Variants in UPF3A observed in about 807,000 individuals in gnomAD.
UPF3A encodes the protein UPF3A regulator of nonsense mediated mRNA decay.
In UPF3A, 42 loss-of-function variants were observed where a neutral mutation model predicts 53.5. The observed-to-expected ratio is 0.78, with a 90% CI of 0.61 to 1.01. UPF3A has a LOEUF of 1.01. Ranked by LOEUF, UPF3A falls within the 50% of genes least tolerant of loss-of-function variation. The pLI is 0.00. For missense variants in UPF3A, 575 were observed against 598.0 expected, an observed-to-expected ratio of 0.96 and a Z score of 0.40; for synonymous variants, 237 against 225.3, an observed-to-expected ratio of 1.05 and a Z score of -0.47.
chr13:114,298,097 C>A (rs1299150475), intron 7 of UPF3A, among the ~76,000 whole-genome samples: 20 of 152,162 alleles, frequency 1.3e-4, no homozygotes, highest in Admixed American at 1.3e-3. Context: ...GGGGGCTGGG[C>A]ACGGTGGCTC....
intron 7 of UPF3A, among the ~76,000 whole-genome samples, chr13:114,296,687 C>A (rs71449095): frequency 6.6e-6 from 1 of 152,130 alleles, no homozygotes. Flanking sequence ...TTGGAACTGT[C>A]GTCTGAAAGG....
intron 8 of UPF3A, among the ~76,000 whole-genome samples, chr13:114,301,393 G>A (rs560648652): frequency 6.6e-6 from 1 of 151,894 alleles, no homozygotes; most frequent in South Asian, 2.1e-4. Context: ...AACCCAGGAG[G>A]CGGAGCTTTC....
At chr13:114,285,455 G>A (rs1389762241) in intron 3 of UPF3A, 1 of 152,186 alleles carries the variant, frequency 6.6e-6, no homozygotes, top group East Asian at 1.9e-4. Context: ...CCGTCCCCCT[G>A]AGTCTTGACT....
rs1164617444 is a variant in UPF3A, at chr13:114,293,071, CAAAAAAA to C, written c.846+1297_846+1303del. The stretch of plus-strand genomic sequence containing the variant: ...TGGGCGACAGAGCAAGACTCCCTCT[CAAAAAAA>C]AAAAAAAAAAAAAAAAATTTCCTGG... On this transcript the variant is annotated intron_variant, in intron 7 of 9. Coordinates refer to ENST00000375299, the MANE Select transcript of UPF3A (RefSeq NM_023011.4). 4.2e-4 allele frequency among the ~76,000 whole-genome samples: 21 copies of C among 49,610 alleles called. 1 individual carries two copies. The highest frequency in any genetic ancestry group is 8.0e-4 in the Admixed American group (3 of 3,762). The allele number at this position is 49,610 out of a possible 152,430, so 32.5% of individuals were successfully genotyped here.
chr13:114,291,556 C>T lies in UPF3A; in HGVS notation c.687+12C>T. The stretch of plus-strand genomic sequence containing the variant: ...AATTAGAAAAGCAGGTAGGTCTGGC[C>T]TTTACCTGATGAACACCCTCCCTGC... On this transcript the variant is annotated intron_variant, in intron 6 of 9. Coordinates refer to ENST00000375299, the MANE Select transcript of UPF3A (RefSeq NM_023011.4). 2 of 1,608,782 alleles carry T rather than the reference C, an allele frequency of 1.2e-6. No individual in the cohort carries two copies. Among genetic ancestry groups the T allele is most frequent in the Non-Finnish European group, 1.7e-6 (2 of 1,178,770 alleles).
chr13:114,287,304 C>A (rs1290744452), intron 5 of UPF3A: 1 of 152,490 alleles, frequency 6.6e-6, no homozygotes, highest in Non-Finnish European at 1.5e-5. Context: ...TCTCATCTCT[C>A]CCGCCCAGGC....
intron 7 of UPF3A, among the ~76,000 whole-genome samples, chr13:114,298,561 G>C (rs568137468): frequency 6.6e-6 from 1 of 152,268 alleles, no homozygotes; most frequent in South Asian, 2.1e-4. Context: ...GTGTAAGTGA[G>C]ATTGTGGTGC....
chr13:114,296,966 A>G (rs1291624395), intron 7 of UPF3A, among the ~76,000 whole-genome samples: 1 of 152,220 alleles, frequency 6.6e-6, no homozygotes, highest in African/African-American at 2.4e-5. Flanking sequence ...GGCAGTTACC[A>G]GAAAGGAAAT....
In UPF3A at chr13:114,288,450, G is replaced by A. The variant is rs548135862; in HGVS notation, c.631+1821G>A. On this transcript the variant is annotated intron_variant, in intron 5 of 9. Transcript: ENST00000375299. ...GTGCTGAGCAGTGGAGGAAGGAAGCGCCAGGGGCAGGGCCGGCTGCTGTCG... is the reference window on the plus strand; with the variant it reads ...GTGCTGAGCAGTGGAGGAAGGAAGCACCAGGGGCAGGGCCGGCTGCTGTCG... Among the ~76,000 whole-genome samples the A allele has an allele frequency of 1.5e-4, 23 of 152,368 alleles. No individual in the cohort carries two copies. In the South Asian group the frequency reaches 2.3e-3, roughly 15 times the overall value.
intron 5 of UPF3A, among the ~76,000 whole-genome samples, chr13:114,290,362 A>AT (rs1213147508): frequency 2.0e-5 from 3 of 152,130 alleles, no homozygotes; most frequent in Non-Finnish European, 4.4e-5. Flanking sequence ...ATGATTCCTG[A>AT]TTCATTCCTG....
intron 3 of UPF3A, chr13:114,285,060 A>T (rs1311774705): frequency 6.6e-6 from 1 of 152,008 alleles, no homozygotes; most frequent in African/African-American, 2.4e-5. Context: ...CAAGTGTTTT[A>T]TGGTTTCAGG....
intron 7 of UPF3A, among the ~76,000 whole-genome samples, chr13:114,293,427 AC>A (rs1447603803): frequency 6.6e-6 from 1 of 152,026 alleles, no homozygotes; most frequent in African/African-American, 2.4e-5. Context: ...ACATTTGAAA[AC>A]CACTGGTTTT....
intron 9 of UPF3A, among the ~76,000 whole-genome samples, chr13:114,304,190 C>T (rs1426811747): frequency 6.6e-6 from 1 of 152,236 alleles, no homozygotes; most frequent in Admixed American, 6.5e-5. Context: ...GCTGGTGGCC[C>T]CATCAGGAGG....
chr13:114,300,758 C>CG (rs1247711880), intron 8 of UPF3A, among the ~76,000 whole-genome samples: 1 of 152,074 alleles, frequency 6.6e-6, no homozygotes, highest in Non-Finnish European at 1.5e-5. Flanking sequence ...AGGCTGGTCT[C>CG]GAACTCCTGA....
intron 5 of UPF3A, among the ~76,000 whole-genome samples, chr13:114,288,566 T>C (rs941907330): frequency 6.6e-6 from 1 of 152,020 alleles, no homozygotes; most frequent in Non-Finnish European, 1.5e-5. Context: ...CTGCAAGACA[T>C]TTAGATTCAT....
intron 7 of UPF3A, among the ~76,000 whole-genome samples, chr13:114,295,903 G>A (rs1401386239): frequency 6.6e-6 from 1 of 152,172 alleles, no homozygotes; most frequent in Non-Finnish European, 1.5e-5. Flanking sequence ...GAGGACTAGG[G>A]GCTGGGGGCC....
At chr13:114,282,414 C>A in intron 2 of UPF3A, 1 of 1,204,150 alleles carries the variant, frequency 8.3e-7, no homozygotes, top group East Asian at 4.8e-5. Flanking sequence ...CCGGCGCCTC[C>A]CGGGCTTCCC....
In UPF3A at chr13:114,295,256, C is replaced by A. The variant is rs114094975; in HGVS notation, c.846+3464C>A. Among the ~76,000 whole-genome samples the A allele has an allele frequency of 5.8e-3, 887 of 151,748 alleles. 10 individuals are homozygous for A. Among genetic ancestry groups the A allele is most frequent in the African/African-American group, 0.02 (836 of 41,050 alleles). On this transcript the variant is annotated intron_variant, in intron 7 of 9. Coordinates refer to ENST00000375299, the MANE Select transcript of UPF3A (RefSeq NM_023011.4). ...GAGGGCTGGGAGGGAGCACAGCTGC[C>A]CATGCGCTCCGCTTGGCCTCCGGAA...
At chr13:114,301,356 G>A (rs557499172) in intron 8 of UPF3A, among the ~76,000 whole-genome samples, 24 of 151,948 alleles carry the variant, frequency 1.6e-4, no homozygotes, top group African/African-American at 4.8e-4. Flanking sequence ...CCAGCTACTC[G>A]GGAGGCTGAG....
Sources: gnomAD v4.1 joint callset for allele counts (sites outside exome capture counted in the v4.1 genomes callset) on GRCh38, gnomAD v4.1.1 for gene constraint, MANE v1.5 for transcripts, NCBI Gene and HGNC (gene_info 2026-07-23, HGNC 2026-07-21) for gene names.